The following TSNARE1 variants were observed in gnomAD, a reference collection of about 807,000 sequenced individuals.
TSNARE1 encodes t-SNARE domain-containing protein 1.
In TSNARE1, 49 loss-of-function variants were observed where a neutral mutation model predicts 62.0. The observed-to-expected ratio is 0.79, with a 90% CI of 0.63 to 1.00. The LOEUF (loss-of-function observed/expected upper bound fraction) is 1.00. Ranked by LOEUF, TSNARE1 falls within the 50% of genes least tolerant of loss-of-function variation. The probability of loss-of-function intolerance (pLI) is 0.00; values close to 1 mark genes in which losing one functional copy is unlikely to be tolerated. For missense variants in TSNARE1, 755 were observed against 700.1 expected, an observed-to-expected ratio of 1.08 and a Z score of -0.88; for synonymous variants, 328 against 294.4, an observed-to-expected ratio of 1.11 and a Z score of -1.17.
chr8:142,342,745 G>A (rs997073500), intron 4 of TSNARE1, among the ~76,000 whole-genome samples: 32 of 143,132 alleles, frequency 2.2e-4, no homozygotes, highest in Non-Finnish European at 4.1e-4. Flanking sequence ...CACCTGTCCA[G>A]GCAACTGTCC....
intron 12 of TSNARE1, among the ~76,000 whole-genome samples, chr8:142,251,255 C>T (rs1563777008): frequency 2.0e-5 from 3 of 151,798 alleles, no homozygotes; most frequent in Non-Finnish European, 2.9e-5. Flanking sequence ...GCAGCCTGCC[C>T]CCCATGCCAC....
intron 1 of TSNARE1, among the ~76,000 whole-genome samples, chr8:142,389,861 G>T (rs896503854): frequency 6.6e-6 from 1 of 152,202 alleles, no homozygotes; most frequent in Non-Finnish European, 1.5e-5. Flanking sequence ...ACAATCTGAG[G>T]ACTGTATCAT....
At chr8:142,285,242 A>AGATGGATGGATGGGTAGGTG (rs1563829644) in intron 10 of TSNARE1, among the ~76,000 whole-genome samples, 11,209 of 126,012 alleles carry the variant, frequency 0.089, 1,103 homozygotes, top group East Asian at 0.26. Context: ...ATGGATGGGT[A>AGATGGATGGATGGGTAGGTG]GATGGATGGA....
chr8:142,372,411 T>C (rs1372615006), intron 1 of TSNARE1, among the ~76,000 whole-genome samples: 1 of 151,856 alleles, frequency 6.6e-6, no homozygotes, highest in Non-Finnish European at 1.5e-5. Flanking sequence ...GGACACGGAG[T>C]ACAACCATGA....
intron 12 of TSNARE1, among the ~76,000 whole-genome samples, chr8:142,255,914 CCACCAT>C (rs768661301): frequency 0.089 from 2,920 of 32,874 alleles, 815 homozygotes; most frequent in Admixed American, 0.14. Flanking sequence ...ACCATCACCA[CCACCAT>C]CACCATCACC....
At chr8:142,272,877 C>G in intron 12 of TSNARE1, 11 of 983,854 alleles carry the variant, frequency 1.1e-5, no homozygotes, top group Non-Finnish European at 1.2e-5. Flanking sequence ...CTCAACCCTC[C>G]TGACACCGTG....
intron 1 of TSNARE1, among the ~76,000 whole-genome samples, chr8:142,359,013 C>A (rs535060305): frequency 1.3e-5 from 2 of 152,088 alleles, no homozygotes; most frequent in East Asian, 1.9e-4. Context: ...GCTCTTGCTG[C>A]GCCCCTGCCC....
intron 1 of TSNARE1, among the ~76,000 whole-genome samples, chr8:142,373,845 G>C (rs768355492): frequency 6.6e-6 from 1 of 152,172 alleles, no homozygotes; most frequent in Non-Finnish European, 1.5e-5. Context: ...GCGGGGAAGC[G>C]GGGAGAGGGA....
At chr8:142,332,344 A>C (rs1228009523) in intron 4 of TSNARE1, among the ~76,000 whole-genome samples, 1 of 152,142 alleles carries the variant, frequency 6.6e-6, no homozygotes, top group Admixed American at 6.5e-5. Context: ...GCACGGTTCC[A>C]CACATCTACC....
At chr8:142,275,903 C>T in intron 11 of TSNARE1, 1 of 985,398 alleles carries the variant, frequency 1.0e-6, no homozygotes. Context: ...AAGGCCACTC[C>T]CCACCGTCCC....
intron 11 of TSNARE1, chr8:142,275,733 A>G (rs1395011196): frequency 1.0e-6 from 1 of 985,326 alleles, no homozygotes; most frequent in African/African-American, 1.7e-5. Context: ...GTATCTAAAC[A>G]AACTGTGCAC....
intron 1 of TSNARE1, among the ~76,000 whole-genome samples, chr8:142,391,095 G>C (rs1342790740): frequency 7.6e-6 from 1 of 132,290 alleles, no homozygotes; most frequent in African/African-American, 3.0e-5. Context: ...GCTGTACACT[G>C]CTGGGGACTC....
chr8:142,382,983 G>A (rs1427694775), intron 1 of TSNARE1, among the ~76,000 whole-genome samples: 3 of 152,158 alleles, frequency 2.0e-5, no homozygotes. Context: ...GGGTCTGGGG[G>A]GAAAGGAGGG....
At chr8:142,328,818 T>TGGGGCG (rs1563923331) in intron 6 of TSNARE1, among the ~76,000 whole-genome samples, 1 of 58,346 alleles carries the variant, frequency 1.7e-5, no homozygotes, top group African/African-American at 9.1e-5. Flanking sequence ...GGGAGGCCTT[T>TGGGGCG]GGGGGGGGGG....
chr8:142,282,772 A>T (rs1357111553), intron 11 of TSNARE1, among the ~76,000 whole-genome samples: 7 of 146,432 alleles, frequency 4.8e-5, no homozygotes, highest in Admixed American at 1.3e-4. Flanking sequence ...GTGTCTGCCA[A>T]TGAGCAGAGG....
At chr8:142,267,184 A>G (rs1022909045) in intron 12 of TSNARE1, among the ~76,000 whole-genome samples, 1 of 152,172 alleles carries the variant, frequency 6.6e-6, no homozygotes, top group African/African-American at 2.4e-5. Context: ...GTTTTCCCTC[A>G]ACGGCTTTCC....
At chr8:142,397,475 A>G (rs1211739031) in intron 1 of TSNARE1, among the ~76,000 whole-genome samples, 1 of 152,210 alleles carries the variant, frequency 6.6e-6, no homozygotes, top group Non-Finnish European at 1.5e-5. Context: ...TGGAGGGGCC[A>G]AGTGACATGG....
intron 13 of TSNARE1, among the ~76,000 whole-genome samples, chr8:142,228,243 T>C (rs1378382347): frequency 6.6e-6 from 1 of 152,228 alleles, no homozygotes; most frequent in Non-Finnish European, 1.5e-5. Flanking sequence ...AAACATTGAT[T>C]TGGTTTCAGC....
chr8:142,282,434 C>A (rs1358868392), intron 11 of TSNARE1, among the ~76,000 whole-genome samples: 3 of 145,416 alleles, frequency 2.1e-5, no homozygotes, highest in Non-Finnish European at 4.6e-5. Flanking sequence ...ATGAGCGGAG[C>A]AGGGGCCAGT....
Sources: gnomAD v4.1 joint callset for allele counts (sites outside exome capture counted in the v4.1 genomes callset) on GRCh38, gnomAD v4.1.1 for gene constraint, MANE v1.5 for transcripts, NCBI Gene and HGNC (gene_info 2026-07-23, HGNC 2026-07-21) for gene names.